Variants in STAB2 observed in about 807,000 individuals in gnomAD.
The protein encoded by STAB2 is stabilin-2.
In STAB2, 288 loss-of-function variants were observed where a neutral mutation model predicts 338.1. The observed-to-expected ratio is 0.85, with a 90% CI of 0.77 to 0.94. The LOEUF is 0.94. Among genes scored for constraint, STAB2 ranks in the 40% least tolerant of loss-of-function variants. STAB2 has a pLI of 0.00. For synonymous variants in STAB2, 1,202 were observed against 1,193.3 expected (o/e 1.01, Z -0.15); for missense variants, 3,141 against 3,210.1 (o/e 0.98, Z 0.52).
chr12:103,734,970 G>A (rs948212696), intron 51 of STAB2, among the ~76,000 whole-genome samples: 1 of 152,098 alleles, frequency 6.6e-6, no homozygotes, highest in Non-Finnish European at 1.5e-5. Context: ...CGTAGCATTT[G>A]CCTCTTCTTT....
rs578254735 is a variant in STAB2, at chr12:103,638,081, C to A, written c.775C>A (p.Arg259=). Residue 259 remains arginine (R), a synonymous_variant, in exon 8 of 69, where the codon CGG becomes AGG. Coordinates refer to ENST00000388887, the MANE Select transcript of STAB2 (RefSeq NM_017564.10). ...HAHCTYLGPN[R]HSCTCQEGYR... is the part of the protein sequence containing the mutation. ...TCATTGTACGTACCTGGGACCAAAT[C>A]GGCACAGTTGTACATGCCAAGAAGG... 5 of 1,614,064 alleles carry A rather than the reference C, an allele frequency of 3.1e-6. No individual in the cohort carries two copies. In the African/African-American group the frequency reaches 5.3e-5, roughly 17 times the overall value.
At chr12:103,684,571 G>A (rs1877223495) in intron 26 of STAB2, among the ~76,000 whole-genome samples, 1 of 152,182 alleles carries the variant, frequency 6.6e-6, no homozygotes. Flanking sequence ...TGCAAAGCTT[G>A]GAAGAACCAA....
At chr12:103,752,938 G>A (rs1041729737) in intron 60 of STAB2, among the ~76,000 whole-genome samples, 7 of 152,272 alleles carry the variant, frequency 4.6e-5, no homozygotes, top group African/African-American at 1.7e-4. Context: ...TGTTAGCCAT[G>A]GAGTAATGAT....
intron 4 of STAB2, 111 bp from the exon 5 acceptor site, chr12:103,621,931 C>A: frequency 1.1e-6 from 1 of 943,020 alleles, no homozygotes; most frequent in Admixed American, 2.2e-5. Context: ...CCAGGATAGG[C>A]ACAGAGGGAA....
chr12:103,758,573 C>T lies in STAB2; in HGVS notation c.7107+284C>T, dbSNP rs568980985. ...GGGCAATGGCAGGGAGTGAGAGAGG[C>T]GAGAGTAGGCCCTGTCCCAACAGTG... is the stretch of plus-strand genomic sequence containing the variant. On this transcript the variant is annotated intron_variant, in intron 64 of 68. Coordinates refer to ENST00000388887, the MANE Select transcript of STAB2 (RefSeq NM_017564.10). Among the ~76,000 whole-genome samples, 7 of 152,298 alleles carry T rather than the reference C, an allele frequency of 4.6e-5. No individual in the cohort carries two copies. In the South Asian group the frequency reaches 8.3e-4, roughly 18 times the overall value.
rs753079786 is a variant in STAB2 at position 103,711,507 on chromosome 12, C to T, written c.4325C>T (p.Thr1442Ile). 6 of 1,614,124 alleles carry T rather than the reference C, an allele frequency of 3.7e-6. No individual in the cohort carries two copies. In the East Asian group the frequency reaches 1.1e-4, roughly 30 times the overall value. The change falls in exon 40 of 69, where the codon ACC becomes ATC. Residue 1442 changes from threonine (T) to isoleucine (I), a missense_variant. Thr to Ile is a moderately conservative substitution (Grantham distance 89). Transcript: ENST00000388887. ...TEDNCNGTCH[T>I]SANCLTNSDG... Reference sequence around the variant, plus strand: ...GACAACTGCAATGGGACATGCCATACCAGCGCCAAGTAGGTAGCCCTGGGC... The same window carrying T: ...GACAACTGCAATGGGACATGCCATATCAGCGCCAAGTAGGTAGCCCTGGGC...
intron 24 of STAB2, 27 bp from the exon 25 acceptor site, chr12:103,677,426 G>C: frequency 6.3e-7 from 1 of 1,592,108 alleles, no homozygotes; most frequent in South Asian, 1.1e-5. Flanking sequence ...GGATTCAGAG[G>C]CTTTGCTTTT....
At chr12:103,695,937 T>C in intron 33 of STAB2, 93 bp downstream of exon 33, 1 of 1,213,932 alleles carries the variant, frequency 8.2e-7, no homozygotes, top group East Asian at 2.4e-5. Context: ...ATTTCACTCC[T>C]TCATCCTTGT....
At chr12:103,690,631 C>G (rs1397242469) in intron 30 of STAB2, 93 bp downstream of exon 30, 5 of 1,084,866 alleles carry the variant, frequency 4.6e-6, no homozygotes, top group South Asian at 3.1e-5. Context: ...AACTTCCAAA[C>G]ATGCGCAAAA....
chr12:103,653,710 A>ATG (rs1873939040), intron 12 of STAB2, among the ~76,000 whole-genome samples: 3 of 122,984 alleles, frequency 2.4e-5, no homozygotes, highest in African/African-American at 6.6e-5. Context: ...ATGGATGGAT[A>ATG]GATGGATGGA....
intron 25 of STAB2, among the ~76,000 whole-genome samples, chr12:103,679,138 G>A (rs772978586): frequency 6.6e-6 from 1 of 152,066 alleles, no homozygotes; most frequent in Admixed American, 6.5e-5. Context: ...CACTTTGGGA[G>A]GCCAAGGCAG....
At chr12:103,748,518 T>C (rs1566072983) in intron 58 of STAB2, among the ~76,000 whole-genome samples, 1 of 151,952 alleles carries the variant, frequency 6.6e-6, no homozygotes, top group Non-Finnish European at 1.5e-5. Flanking sequence ...TCTCAGTTTG[T>C]TCATCTACAG....
At chr12:103,723,928 A>G (rs926021671) in intron 44 of STAB2, among the ~76,000 whole-genome samples, 6 of 146,832 alleles carry the variant, frequency 4.1e-5, no homozygotes, top group Non-Finnish European at 7.4e-5. Flanking sequence ...CCAGAGAGAG[A>G]GGGATGCTTG....
intron 30 of STAB2, among the ~76,000 whole-genome samples, chr12:103,692,397 G>GA (rs373650441): frequency 1.7e-5 from 1 of 59,036 alleles, no homozygotes; most frequent in Non-Finnish European, 4.8e-5. Context: ...TGTGGGGGCA[G>GA]GGGGGGACAC....
intron 65 of STAB2, among the ~76,000 whole-genome samples, chr12:103,761,026 A>G (rs1382462061): frequency 6.6e-6 from 1 of 152,112 alleles, no homozygotes; most frequent in African/African-American, 2.4e-5. Flanking sequence ...GATCTGGGTC[A>G]GGCCACTTTC....
chr12:103,598,782 C>T (rs969131499), intron 3 of STAB2, among the ~76,000 whole-genome samples: 2 of 152,146 alleles, frequency 1.3e-5, no homozygotes, highest in Non-Finnish European at 2.9e-5. Flanking sequence ...CGTTGGCCAG[C>T]TCATAAAAAA....
intron 26 of STAB2, 95 bp downstream of exon 26, chr12:103,683,395 C>T: frequency 9.2e-7 from 1 of 1,081,522 alleles, no homozygotes; most frequent in Non-Finnish European, 1.3e-6. Context: ...TAGTGATGAA[C>T]AAAATCTCTT....
At chr12:103,711,372 T>C in intron 39 of STAB2, 99 bp from the exon 40 acceptor site, 1 of 1,480,300 alleles carries the variant, frequency 6.8e-7, no homozygotes, top group East Asian at 2.3e-5. Flanking sequence ...ATGATACATA[T>C]CACTTCCAAA....
intron 9 of STAB2, among the ~76,000 whole-genome samples, chr12:103,642,885 A>G (rs1309266682): frequency 6.6e-6 from 1 of 152,224 alleles, no homozygotes; most frequent in Non-Finnish European, 1.5e-5. Flanking sequence ...TGTTCATAGC[A>G]GGTGCAGATA....
Sources: allele counts gnomAD v4.1 joint callset (sites outside exome capture counted in the v4.1 genomes callset), GRCh38; gene constraint gnomAD v4.1.1; transcripts MANE v1.5; gene names NCBI Gene and HGNC (gene_info 2026-07-23, HGNC 2026-07-21).